The following KIAA0825 variants were observed in gnomAD, a reference collection of about 807,000 sequenced individuals.
KIAA0825 encodes KIAA0825.
KIAA0825 carries 119 observed loss-of-function variants against 147.6 expected under a neutral mutation model. The observed-to-expected ratio is 0.81, with a 90% CI of 0.69 to 0.94. The LOEUF (loss-of-function observed/expected upper bound fraction) is 0.94. Ranked by LOEUF, KIAA0825 falls within the 40% of genes least tolerant of loss-of-function variation. The probability of loss-of-function intolerance (pLI) is 0.00; values close to 1 mark genes in which losing one functional copy is unlikely to be tolerated. For synonymous variants in KIAA0825, 470 were observed against 518.1 expected (o/e 0.91, Z 1.26); for missense variants, 1,381 against 1,472.7 (o/e 0.94, Z 1.02).
At chr5:94,401,503 G>A (rs1434456596) in intron 16 of KIAA0825, among the ~76,000 whole-genome samples, 1 of 152,018 alleles carries the variant, frequency 6.6e-6, no homozygotes, top group Non-Finnish European at 1.5e-5. Flanking sequence ...ATTCATTACT[G>A]TGTGCTGAAA....
intron 20 of KIAA0825, among the ~76,000 whole-genome samples, chr5:94,340,007 G>A (rs1782204187): frequency 6.6e-6 from 1 of 152,088 alleles, no homozygotes; most frequent in South Asian, 2.1e-4. Context: ...AGAGTGTCTA[G>A]AAGTTTTCCC....
intron 5 of KIAA0825, among the ~76,000 whole-genome samples, chr5:94,500,515 C>T (rs1764940660): frequency 6.6e-6 from 1 of 152,046 alleles, no homozygotes; most frequent in Non-Finnish European, 1.5e-5. Context: ...TTATTAGCAG[C>T]ATTAACTTAG....
intron 17 of KIAA0825, among the ~76,000 whole-genome samples, chr5:94,394,765 T>C (rs569432126): frequency 1.3e-3 from 198 of 152,308 alleles, no homozygotes; most frequent in Non-Finnish European, 2.3e-3. Flanking sequence ...AGTCATTGGA[T>C]TAAAGCCTGT....
chr5:94,413,013 G>A (rs1752970174), intron 15 of KIAA0825: 1 of 149,150 alleles, frequency 6.7e-6, no homozygotes, highest in Non-Finnish European at 1.5e-5. Flanking sequence ...GGGGTGCAAT[G>A]GCGTCTTGGC....
intron 2 of KIAA0825, chr5:94,570,662 A>G (rs1229371258): frequency 6.6e-6 from 1 of 152,240 alleles, no homozygotes; most frequent in Non-Finnish European, 1.5e-5. Flanking sequence ...AATCGAAAAT[A>G]AAATACTCAA....
intron 6 of KIAA0825, among the ~76,000 whole-genome samples, chr5:94,482,067 T>C (rs990270230): frequency 6.6e-6 from 1 of 152,066 alleles, no homozygotes; most frequent in Non-Finnish European, 1.5e-5. Flanking sequence ...TAATGTCCTA[T>C]CATTTTTTGA....
At chr5:94,593,615 C>T (rs572972183) in intron 1 of KIAA0825, 29 of 493,546 alleles carry the variant, frequency 5.9e-5, no homozygotes, top group African/African-American at 5.2e-4. Context: ...GAGGAGCTAA[C>T]CAACGAGTAA....
In KIAA0825 at chr5:94,462,482, CTGA is replaced by C; in HGVS notation, c.2148_2150del (p.His716del). On this transcript the variant is annotated inframe_deletion, in exon 12 of 21. Coordinates refer to ENST00000682413, the MANE Select transcript of KIAA0825 (RefSeq NM_001145678.3). ...TTTTAAAAATTTTATCATCTGTATG[CTGA>C]TGAGGATTCAAAAGTTTCTGTACAG... 2 of 1,540,552 alleles carry C rather than the reference CTGA, an allele frequency of 1.3e-6. No individual in the cohort carries two copies. Among genetic ancestry groups the C allele is most frequent in the Non-Finnish European group, 1.8e-6 (2 of 1,138,454 alleles).
chr5:94,332,272 A>T (rs1336141454), intron 20 of KIAA0825, among the ~76,000 whole-genome samples: 1 of 151,458 alleles, frequency 6.6e-6, no homozygotes, highest in Non-Finnish European at 1.5e-5. Context: ...TGCATGTGCA[A>T]AACATGCAGG....
intron 15 of KIAA0825, chr5:94,415,659 G>T (rs544988473): frequency 6.6e-6 from 1 of 152,260 alleles, no homozygotes; most frequent in South Asian, 2.1e-4. Flanking sequence ...TTGAAGTTCT[G>T]CCCCTTTGAG....
chr5:94,614,611 T>C (rs907004782), intron 1 of KIAA0825, among the ~76,000 whole-genome samples: 6 of 152,134 alleles, frequency 3.9e-5, no homozygotes, highest in Admixed American at 6.5e-5. Context: ...AGAACACTTG[T>C]CCCTCTTGTT....
intron 20 of KIAA0825, among the ~76,000 whole-genome samples, chr5:94,349,640 C>G (rs1460918398): frequency 2.0e-5 from 3 of 152,142 alleles, no homozygotes; most frequent in African/African-American, 7.2e-5. Flanking sequence ...AACTTCAAAA[C>G]CATGCAAATA....
chr5:94,493,691 T>C (rs1432034856), intron 5 of KIAA0825, among the ~76,000 whole-genome samples: 1 of 152,134 alleles, frequency 6.6e-6, no homozygotes, highest in African/African-American at 2.4e-5. Context: ...GGTTTCACCA[T>C]GTTAGCCAGG....
At chr5:94,583,559 GGCCTACT>G (rs1464193723) in intron 1 of KIAA0825, among the ~76,000 whole-genome samples, 1 of 152,196 alleles carries the variant, frequency 6.6e-6, no homozygotes, top group Non-Finnish European at 1.5e-5. Context: ...AGCTCAGCAA[GGCCTACT>G]GCCTCTCTAG....
rs1783780626 is a variant in KIAA0825, at chr5:94,352,401, T to TA, written c.3710+31966dup. Among the ~76,000 whole-genome samples, 3 of 151,970 alleles carry TA rather than the reference T, an allele frequency of 2.0e-5. No individual in the cohort carries two copies. In the South Asian group the frequency reaches 6.2e-4, roughly 32 times the overall value. ...CTCACTCCTGCAAGAATGACTATAA[T>TA]AAAAAAATCAAAAAACAGTAGATGC... On this transcript the variant is annotated intron_variant, in intron 20 of 20. Transcript: ENST00000682413.
chr5:94,589,643 T>C (rs1783980101), intron 1 of KIAA0825, among the ~76,000 whole-genome samples: 1 of 152,210 alleles, frequency 6.6e-6, no homozygotes, highest in Non-Finnish European at 1.5e-5. Context: ...TTCTAGGCAC[T>C]CCATATTTTG....
chr5:94,241,189 T>C (rs1775325025), intron 20 of KIAA0825, among the ~76,000 whole-genome samples: 1 of 152,192 alleles, frequency 6.6e-6, no homozygotes. Flanking sequence ...AAAGTACATA[T>C]TTCCAATCTA....
intron 1 of KIAA0825, among the ~76,000 whole-genome samples, chr5:94,602,504 G>T (rs749305592): frequency 1.8e-4 from 28 of 152,242 alleles, no homozygotes; most frequent in Non-Finnish European, 3.5e-4. Flanking sequence ...TGTAGTTCTC[G>T]TAATCCCAAC....
At chr5:94,369,393 A>G (rs553116384) in intron 20 of KIAA0825, among the ~76,000 whole-genome samples, 8 of 152,274 alleles carry the variant, frequency 5.3e-5, no homozygotes, top group Admixed American at 5.2e-4. Flanking sequence ...CCCCTATTGT[A>G]TTATACTTTG....
Sources: allele counts gnomAD v4.1 joint callset (sites outside exome capture counted in the v4.1 genomes callset), GRCh38; gene constraint gnomAD v4.1.1; transcripts MANE v1.5; gene names NCBI Gene and HGNC (gene_info 2026-07-23, HGNC 2026-07-21).